The following GNPTAB variants were observed in gnomAD, a reference collection of about 807,000 sequenced individuals.
The protein encoded by GNPTAB is N-acetylglucosamine-1-phosphate transferase subunits alpha and beta, also known as N-acetylglucosamine-1-phosphotransferase subunits alpha/beta.
A neutral mutation model predicts 136.6 loss-of-function variants in GNPTAB; 92 were observed. That is an observed-to-expected ratio of 0.67 (90% CI 0.57 to 0.80). The LOEUF (loss-of-function observed/expected upper bound fraction) is 0.80, where lower values mean the gene tolerates loss of function less well. Ranked by LOEUF, GNPTAB falls within the 30% of genes least tolerant of loss-of-function variation. The probability of loss-of-function intolerance (pLI) is 0.00; values close to 1 mark genes in which losing one functional copy is unlikely to be tolerated. For synonymous variants in GNPTAB, 512 were observed against 535.1 expected, an observed-to-expected ratio of 0.96 and a Z score of 0.60; for missense variants, 1,343 against 1,501.8, an observed-to-expected ratio of 0.89 and a Z score of 1.75.
chr12:101,772,846 T>C (rs773149033), intron 7 of GNPTAB, among the ~76,000 whole-genome samples: 6 of 152,240 alleles, frequency 3.9e-5, no homozygotes, highest in Non-Finnish European at 7.3e-5. Flanking sequence ...AGACGGAGTC[T>C]GACTCTGTCG....
At chr12:101,768,370 G>A (rs896528186) in intron 10 of GNPTAB, among the ~76,000 whole-genome samples, 13 of 152,158 alleles carry the variant, frequency 8.5e-5, no homozygotes, top group African/African-American at 2.4e-4. Flanking sequence ...CTTACTGAGC[G>A]TATTTACTTT....
intron 1 of GNPTAB, among the ~76,000 whole-genome samples, chr12:101,828,455 C>T (rs1001628650): frequency 5.9e-5 from 9 of 152,232 alleles, no homozygotes; most frequent in African/African-American, 1.7e-4. Flanking sequence ...GTCAGGAGTT[C>T]GAGACCAGTC....
rs760742708 is a variant in GNPTAB at position 101,747,243 on chromosome 12, T to TGCTCAGCAAA, written c.3694-3_3694-2insTTTGCTGAGC. 1 of 1,538,960 alleles carries TGCTCAGCAAA rather than the reference T, an allele frequency of 6.5e-7. No homozygotes were observed. Among genetic ancestry groups the TGCTCAGCAAA allele is most frequent in the African/African-American group, 1.4e-5 (1 of 73,622 alleles). ...TATCTTCCGCTTAAGTGCAATTAAC[T>TGCTCAGCAAA]AAATGATGAAAGACAGAAAATACAT... is the stretch of plus-strand genomic sequence containing the variant. On this transcript the variant is annotated splice_region_variant and splice_polypyrimidine_tract_variant and intron_variant, in intron 20 of 20. Transcript: ENST00000299314.
At chr12:101,770,373 T>A in intron 9 of GNPTAB, 33 bp downstream of exon 9, 1 of 1,524,078 alleles carries the variant, frequency 6.6e-7, no homozygotes, top group South Asian at 1.1e-5. Flanking sequence ...GAATTAGAAA[T>A]CACAGTCTTG....
chr12:101,790,097 T>C (rs1225783244), intron 2 of GNPTAB, 40 bp from the exon 3 acceptor site: 1 of 1,613,632 alleles, frequency 6.2e-7, no homozygotes, highest in Non-Finnish European at 8.5e-7. Context: ...AAATGCATTT[T>C]TCCAATATAT....
At chr12:101,773,420 AG>A in intron 7 of GNPTAB, 1 of 251,240 alleles carries the variant, frequency 4.0e-6, no homozygotes, top group Non-Finnish European at 8.0e-6. Flanking sequence ...GCGAAGGTCC[AG>A]GGTCGGAAGG....
chr12:101,752,601 G>A (rs2137101024), intron 19 of GNPTAB, among the ~76,000 whole-genome samples: 1 of 152,242 alleles, frequency 6.6e-6, no homozygotes, highest in Admixed American at 6.5e-5. Flanking sequence ...AACTAAGCTG[G>A]GCTAGCCCCC....
chr12:101,830,113 C>T (rs368236623), intron 1 of GNPTAB, among the ~76,000 whole-genome samples: 1 of 152,024 alleles, frequency 6.6e-6, no homozygotes, highest in East Asian at 1.9e-4. Context: ...CTTTCTTGGG[C>T]CAGGTGCGGT....
intron 1 of GNPTAB, among the ~76,000 whole-genome samples, chr12:101,824,432 A>ATATATATATATATTTTTTT (rs1188582277): frequency 2.0e-5 from 1 of 50,886 alleles, no homozygotes; most frequent in Non-Finnish European, 3.5e-5. Flanking sequence ...ATATATATAT[A>ATATATATATATATTTTTTT]TTTTCTTTTT....
chr12:101,830,353 G>C (rs984494801), intron 1 of GNPTAB, among the ~76,000 whole-genome samples: 3 of 152,202 alleles, frequency 2.0e-5, no homozygotes, highest in Non-Finnish European at 2.9e-5. Context: ...GGCCGGGAGC[G>C]GTGGCTCACG....
chr12:101,785,646 A>G (rs917768410), intron 5 of GNPTAB: 2 of 207,502 alleles, frequency 9.6e-6, no homozygotes, highest in South Asian at 1.7e-4. Context: ...TTCAGAATGT[A>G]AAGAATCAAT....
Position 101,765,148 on chromosome 12 carries a change from G to C in GNPTAB, c.1769C>G (p.Ser590Cys). Residue 590 changes from serine to cysteine, a missense_variant, in exon 13 of 21, where the codon TCT (serine) becomes TGT (cysteine). By Grantham distance (112) the Ser-to-Cys change is moderately radical. Transcript: ENST00000299314. ...GATGGTTTTCCACTTGTTGGCAATAGAAGCATGTCGAATTATTGGATTGTC... is the reference window on the plus strand; with the variant it reads ...GATGGTTTTCCACTTGTTGGCAATACAAGCATGTCGAATTATTGGATTGTC... ...YSDNPIIRHA[S>C]IANKWKTIHL... The C allele has an allele frequency of 6.2e-7, 1 of 1,614,186 alleles. No homozygotes were observed. Among genetic ancestry groups the C allele is most frequent in the Non-Finnish European group, 8.5e-7 (1 of 1,180,030 alleles).
At chr12:101,765,439 G>A (rs573077344) in intron 12 of GNPTAB, 135 bp from the exon 13 acceptor site, 36 of 693,708 alleles carry the variant, frequency 5.2e-5, no homozygotes, top group African/African-American at 4.5e-4. Flanking sequence ...TTTGCATGTC[G>A]TCCTTGTGCA....
chr12:101,784,975 T>G (rs758521484), intron 5 of GNPTAB, among the ~76,000 whole-genome samples: 1 of 152,156 alleles, frequency 6.6e-6, no homozygotes, highest in African/African-American at 2.4e-5. Context: ...AGTGGGAGAA[T>G]GGGATCTCTA....
chr12:101,770,379 T>C, intron 9 of GNPTAB, 27 bp downstream of exon 9: 1 of 1,537,742 alleles, frequency 6.5e-7, no homozygotes, highest in Non-Finnish European at 9.0e-7. Flanking sequence ...GAAATCACAG[T>C]CTTGTAATTT....
chr12:101,777,382 T>G (rs909843465), intron 7 of GNPTAB, among the ~76,000 whole-genome samples: 2 of 152,220 alleles, frequency 1.3e-5, no homozygotes, highest in Admixed American at 1.3e-4. Context: ...TTTCTCAACC[T>G]GGCCTCAACC....
chr12:101,761,349 G>T lies in GNPTAB; in HGVS notation c.2916-3C>A, dbSNP rs766231147. ...TCTTGTCAAATTCTTCAGGGAACCT[G>T]TCCAAATATAACATATTACAAACTC... is the stretch of plus-strand genomic sequence containing the variant. On this transcript the variant is annotated splice_polypyrimidine_tract_variant and splice_region_variant and intron_variant, in intron 14 of 20. Transcript: ENST00000299314. 8.1e-6 allele frequency: 13 copies of T among 1,611,528 alleles called. No individual in the cohort carries two copies. The highest frequency in any genetic ancestry group is 1.6e-4 in the Middle Eastern group (1 of 6,074).
Position 101,747,045 on chromosome 12 carries a change from G to A in GNPTAB, c.*119C>T, listed in dbSNP as rs1594197278. 1 of 718,490 alleles carries A rather than the reference G, an allele frequency of 1.4e-6. No homozygotes were observed. The highest frequency in any genetic ancestry group is 2.7e-5 in the East Asian group (1 of 37,260). 44.5% of individuals were successfully genotyped at this position (718,490 alleles called of 1,614,324 possible). A position where few individuals can be genotyped will look rare whatever the true frequency, so the allele number is the denominator to read the frequency against. ...TCATGCCACAAAACAGCATGGTACT[G>A]GATATTTTCCTTCTTCGGGCCAAAC... On this transcript the variant is annotated 3_prime_UTR_variant, in exon 21 of 21. Transcript: ENST00000299314.
chr12:101,801,359 C>T (rs961683571), intron 1 of GNPTAB, among the ~76,000 whole-genome samples: 7 of 149,870 alleles, frequency 4.7e-5, no homozygotes, highest in Admixed American at 1.3e-4. Context: ...ATAGGCAACA[C>T]GGCAAAACCC....
Sources: gnomAD v4.1 joint callset for allele counts (sites outside exome capture counted in the v4.1 genomes callset) on GRCh38, gnomAD v4.1.1 for gene constraint, MANE v1.5 for transcripts, NCBI Gene and HGNC (gene_info 2026-07-23, HGNC 2026-07-21) for gene names.